Variants in AP3M2 observed in about 807,000 individuals in gnomAD.
AP3M2 encodes the protein AP-3 complex subunit mu-2.
In AP3M2, 28 loss-of-function variants were observed where a neutral mutation model predicts 41.6. That is an observed-to-expected ratio of 0.67 (90% confidence interval 0.50 to 0.92). The LOEUF is 0.92. Ranked by LOEUF, AP3M2 falls within the 40% of genes least tolerant of loss-of-function variation. AP3M2 has a pLI of 0.00. For synonymous variants in AP3M2, 193 were observed against 186.4 expected (o/e 1.04, Z -0.29); for missense variants, 427 against 521.4 (o/e 0.82, Z 1.76).
At chr8:42,162,188 A>G (rs1804523309) in intron 3 of AP3M2, 93 bp from the exon 4 acceptor site, 2 of 1,279,096 alleles carry the variant, frequency 1.6e-6, no homozygotes, top group Non-Finnish European at 2.1e-6. Context: ...AATTGAGTGC[A>G]TGAATAGTGG....
intron 6 of AP3M2, among the ~76,000 whole-genome samples, chr8:42,166,694 T>C (rs1804647697): frequency 6.6e-6 from 1 of 151,306 alleles, no homozygotes; most frequent in Admixed American, 6.6e-5. Flanking sequence ...TTGAGCCTGG[T>C]ATGTCGAGGC....
intron 2 of AP3M2, chr8:42,156,079 C>T (rs1412614549): frequency 2.2e-6 from 1 of 450,720 alleles, no homozygotes; most frequent in Admixed American, 2.4e-5. Flanking sequence ...CTAGAAGAAC[C>T]CAGGAGTTGT....
Position 42,164,952 on chromosome 8 carries a change from G to GGAGGGAGAGAGAGGAAGGT in AP3M2, c.584-107_584-89dup, listed in dbSNP as rs1235152264. The GGAGGGAGAGAGAGGAAGGT allele has an allele frequency of 7.8e-6, 6 of 771,348 alleles. No individual in the cohort carries two copies. In the African/African-American group the frequency reaches 1.1e-4, roughly 14 times the overall value. The allele number at this position is 771,348 out of a possible 1,614,324, so 47.8% of individuals were successfully genotyped here. ...GGAAAGAAAGGGAGAGAGAGGAAGG[G>GGAGGGAGAGAGAGGAAGGT]GAGGGAGAGAGAGGAAGGTGAGGGA... On this transcript the variant is annotated intron_variant, in intron 4 of 8. Transcript: ENST00000396926.
At position 42,167,814 on chromosome 8, in the gene AP3M2, A is replaced by T. The variant is rs764946431; in HGVS notation, c.1156+4A>T. 6.2e-7 allele frequency: 1 copy of T among 1,611,150 alleles called. No homozygotes were observed. Among genetic ancestry groups the T allele is most frequent in the Non-Finnish European group, 8.5e-7 (1 of 1,179,222 alleles). ...ATCCAGCAGCTGGCCATTTCTGGTAAGTGACCCAGAGCTCAAGAGGCTCCA... is the reference window on the plus strand; with the variant it reads ...ATCCAGCAGCTGGCCATTTCTGGTATGTGACCCAGAGCTCAAGAGGCTCCA... On this transcript the variant is annotated splice_donor_region_variant and intron_variant, in intron 8 of 8. Coordinates refer to ENST00000396926, the MANE Select transcript of AP3M2 (RefSeq NM_006803.4).
chr8:42,166,665 G>C (rs903452536), intron 6 of AP3M2, among the ~76,000 whole-genome samples: 7 of 151,194 alleles, frequency 4.6e-5, no homozygotes, highest in Admixed American at 1.3e-4. Flanking sequence ...TACTCAGGAG[G>C]CAGTGGTGGG....
intron 3 of AP3M2, among the ~76,000 whole-genome samples, chr8:42,160,576 G>A (rs1350771879): frequency 6.6e-6 from 1 of 152,232 alleles, no homozygotes; most frequent in East Asian, 1.9e-4. Flanking sequence ...TGATCTCAGA[G>A]AAGGGAAGAT....
chr8:42,162,433 T>C lies in AP3M2; in HGVS notation c.583+15T>C. 6.3e-7 allele frequency: 1 copy of C among 1,596,274 alleles called. No homozygotes were observed. Among genetic ancestry groups the C allele is most frequent in the Non-Finnish European group, 8.5e-7 (1 of 1,171,410 alleles). On this transcript the variant is annotated intron_variant, in intron 4 of 8. Coordinates refer to ENST00000396926, the MANE Select transcript of AP3M2 (RefSeq NM_006803.4). ...TGATAAATCAGGTAGGTGCTTTTAA[T>C]ATGTTCTCAGAAATATGAAAATAGA...
chr8:42,162,535 T>TGGCACAAAGTAGGCACTA, intron 4 of AP3M2, 117 bp downstream of exon 4: 2 of 1,234,206 alleles, frequency 1.6e-6, no homozygotes, highest in Non-Finnish European at 2.2e-6. Flanking sequence ...ATTTAGTGCC[T>TGGCACAAAGTAGGCACTA]ACTTTGTGCC....
chr8:42,157,886 A>G lies in AP3M2; in HGVS notation c.274-55A>G, dbSNP rs561868155. 7 of 1,504,754 alleles carry G rather than the reference A, an allele frequency of 4.7e-6. 1 individual carries two copies. Among genetic ancestry groups the G allele is most frequent in the Middle Eastern group, 1.8e-4 (1 of 5,678 alleles). 93.2% of individuals were successfully genotyped at this position (1,504,754 alleles called of 1,614,324 possible). ...TCTCTGTAGGCACATTCTTTTATTT[A>G]TTTATTTATTTTACAGTATCTGAGT... On this transcript the variant is annotated intron_variant, in intron 2 of 8. Coordinates refer to ENST00000396926, the MANE Select transcript of AP3M2 (RefSeq NM_006803.4).
chr8:42,168,156 A>G (rs1383389071), intron 8 of AP3M2: 3 of 485,334 alleles, frequency 6.2e-6, no homozygotes, highest in Non-Finnish European at 1.2e-5. Flanking sequence ...ATTCTCAGCT[A>G]TAACTGAAGT....
intron 6 of AP3M2, among the ~76,000 whole-genome samples, chr8:42,166,253 A>G (rs1049504257): frequency 1.3e-5 from 2 of 152,172 alleles, no homozygotes; most frequent in African/African-American, 4.8e-5. Flanking sequence ...TAAAATCAGT[A>G]CCTACTACAT....
intron 8 of AP3M2, 44 bp downstream of exon 8, chr8:42,167,854 G>T (rs1022074670): frequency 3.8e-6 from 6 of 1,571,504 alleles, no homozygotes; most frequent in South Asian, 3.6e-5. Flanking sequence ...GAACAAAAAC[G>T]GCTTTCTGCC....
intron 3 of AP3M2, among the ~76,000 whole-genome samples, 153 bp downstream of exon 3, chr8:42,158,265 T>C (rs534126933): frequency 1.3e-5 from 2 of 149,552 alleles, no homozygotes; most frequent in African/African-American, 5.0e-5. Context: ...TTTTTTTTTT[T>C]TGAGACAGAG....
chr8:42,163,429 T>A (rs566699407), intron 4 of AP3M2, among the ~76,000 whole-genome samples: 169 of 152,270 alleles, frequency 1.1e-3, no homozygotes, highest in Non-Finnish European at 1.9e-3. Flanking sequence ...TAAGACATAG[T>A]CTATGGCTGC....
chr8:42,167,935 C>A, intron 8 of AP3M2, 125 bp downstream of exon 8: 1 of 1,205,814 alleles, frequency 8.3e-7, no homozygotes, highest in South Asian at 1.5e-5. Flanking sequence ...ACCTGATAAA[C>A]AATCTTTAGT....
intron 4 of AP3M2, among the ~76,000 whole-genome samples, chr8:42,162,943 CAAAAAAA>C (rs67923954): frequency 1.2e-3 from 65 of 54,210 alleles, no homozygotes; most frequent in South Asian, 1.8e-3. Context: ...GACCCTGTCT[CAAAAAAA>C]AAAAAAAAAA....
In AP3M2 at chr8:42,167,149, G is replaced by C. The variant is rs201242187; in HGVS notation, c.804-15G>C. 5,198 of 1,609,552 alleles carry C rather than the reference G, an allele frequency of 3.2e-3. 22 individuals are homozygous for C. The highest frequency in any genetic ancestry group is 3.9e-3 in the Non-Finnish European group (4,529 of 1,175,882). ...CAGTGCACGAATGAAATGACTCTTT[G>C]TCTCTCATTTCCAGTCTGGTTGCAA... On this transcript the variant is annotated splice_polypyrimidine_tract_variant and intron_variant, in intron 6 of 8. Transcript: ENST00000396926.
chr8:42,162,128 C>T, intron 3 of AP3M2, 153 bp from the exon 4 acceptor site: 1 of 619,592 alleles, frequency 1.6e-6, no homozygotes, highest in East Asian at 3.1e-5. Flanking sequence ...GACTAGGTTA[C>T]CCCATATAGA....
chr8:42,155,071 T>C lies in AP3M2; in HGVS notation c.273+111T>C, dbSNP rs976544473. On this transcript the variant is annotated intron_variant, in intron 2 of 8. Transcript: ENST00000396926. ...AACTTAAAAAAAAAAATCAAAACTCTGGTATTACTCACTTCCTCTCCCATC... is the reference window on the plus strand; with the variant it reads ...AACTTAAAAAAAAAAATCAAAACTCCGGTATTACTCACTTCCTCTCCCATC... The C allele has an allele frequency of 5.3e-5, 48 of 902,220 alleles. 1 individual carries two copies. The highest frequency in any genetic ancestry group is 4.3e-4 in the South Asian group (26 of 60,130). 55.9% of individuals were successfully genotyped at this position (902,220 alleles called of 1,614,324 possible). A position where few individuals can be genotyped will look rare whatever the true frequency, so the allele number is the denominator to read the frequency against.
Sources: gnomAD v4.1 joint callset for allele counts (sites outside exome capture counted in the v4.1 genomes callset) on GRCh38, gnomAD v4.1.1 for gene constraint, MANE v1.5 for transcripts, NCBI Gene and HGNC (gene_info 2026-07-23, HGNC 2026-07-21) for gene names.